TFEC: variants seen among roughly 807,000 people sequenced by gnomAD.
TFEC encodes class E basic helix-loop-helix protein 34.
TFEC carries 31 observed loss-of-function variants against 41.6 expected under a neutral mutation model. That is an observed-to-expected ratio of 0.74 (90% CI 0.56 to 1.01). The LOEUF (loss-of-function observed/expected upper bound fraction) is 1.01. TFEC is among the 50% of genes least tolerant of loss of function. TFEC has a pLI of 0.00. For missense variants in TFEC, 402 were observed against 404.1 expected, an observed-to-expected ratio of 0.99 and a Z score of 0.04; for synonymous variants, 143 against 140.6, an observed-to-expected ratio of 1.02 and a Z score of -0.12.
intron 3 of TFEC, among the ~76,000 whole-genome samples, chr7:116,068,762 G>A (rs991320668): frequency 1.3e-5 from 2 of 151,442 alleles, no homozygotes; most frequent in African/African-American, 4.8e-5. Flanking sequence ...GAAAGCAACA[G>A]CAGAAAATCT....
At chr7:116,130,733 C>T (rs1043873692) in intron 1 of TFEC, among the ~76,000 whole-genome samples, 1 of 152,182 alleles carries the variant, frequency 6.6e-6, no homozygotes, top group African/African-American at 2.4e-5. Flanking sequence ...CCACCTCAGC[C>T]TCCCATGTAG....
At chr7:116,122,837 A>G (rs1411263723) in intron 1 of TFEC, among the ~76,000 whole-genome samples, 1 of 152,030 alleles carries the variant, frequency 6.6e-6, no homozygotes, top group East Asian at 1.9e-4. Context: ...TGTGGCCAAC[A>G]CTGGTGTTAG....
intron 3 of TFEC, among the ~76,000 whole-genome samples, chr7:116,085,228 T>C (rs769040535): frequency 6.6e-6 from 1 of 151,846 alleles, no homozygotes; most frequent in South Asian, 2.1e-4. Flanking sequence ...GAAAGATAGA[T>C]AGAAACCAGA....
intron 3 of TFEC, among the ~76,000 whole-genome samples, chr7:116,103,881 A>G (rs1319263183): frequency 6.6e-6 from 1 of 152,194 alleles, no homozygotes; most frequent in Non-Finnish European, 1.5e-5. Flanking sequence ...CAGGAAATTT[A>G]AAGAGGTCGC....
At chr7:115,946,089 T>A (rs28502369) in intron 6 of TFEC, among the ~76,000 whole-genome samples, 3,607 of 151,786 alleles carry the variant, frequency 0.024, 143 homozygotes, top group African/African-American at 0.08. Flanking sequence ...TCATAAAACT[T>A]TATAACTTGC....
At chr7:116,116,394 G>C (rs1473455626) in intron 1 of TFEC, among the ~76,000 whole-genome samples, 1 of 151,664 alleles carries the variant, frequency 6.6e-6, no homozygotes, top group African/African-American at 2.4e-5. Flanking sequence ...AAACCTAAGG[G>C]TGGAAATTAC....
chr7:116,103,855 C>T (rs1256216628), intron 3 of TFEC, among the ~76,000 whole-genome samples: 1 of 152,040 alleles, frequency 6.6e-6, no homozygotes, highest in African/African-American at 2.4e-5. Context: ...TGCCATGATG[C>T]ATTTTCAAAT....
At chr7:115,978,788 T>C (rs1341611359) in intron 2 of TFEC, among the ~76,000 whole-genome samples, 2 of 152,194 alleles carry the variant, frequency 1.3e-5, no homozygotes, top group African/African-American at 4.8e-5. Context: ...TAATTCTTTC[T>C]TTGGCATCAA....
chr7:116,104,186 G>A (rs1797666263), intron 3 of TFEC, among the ~76,000 whole-genome samples: 1 of 152,112 alleles, frequency 6.6e-6, no homozygotes, highest in South Asian at 2.1e-4. Context: ...AGAAATGTAG[G>A]TATTGATTAA....
chr7:115,999,380 T>C (rs1254376401), intron 1 of TFEC, among the ~76,000 whole-genome samples: 3 of 151,826 alleles, frequency 2.0e-5, no homozygotes, highest in African/African-American at 7.2e-5. Context: ...AACACCTAAA[T>C]GAGAAAAGTA....
At chr7:116,032,858 C>A (rs1302745956), upstream of TFEC, among the ~76,000 whole-genome samples, 1 of 152,034 alleles carries the variant, frequency 6.6e-6, no homozygotes, top group Non-Finnish European at 1.5e-5. Flanking sequence ...TTTTAAAAAT[C>A]ATGCATGTCG....
intron 1 of TFEC, among the ~76,000 whole-genome samples, chr7:116,140,552 T>G (rs913026927): frequency 3.9e-5 from 6 of 152,178 alleles, no homozygotes; most frequent in Non-Finnish European, 8.8e-5. Flanking sequence ...TCATTAAAAC[T>G]AATAACAAAA....
chr7:116,121,282 AAAG>A (rs1268520320), intron 1 of TFEC: 1 of 152,044 alleles, frequency 6.6e-6, no homozygotes, highest in African/African-American at 2.4e-5. Flanking sequence ...ACATTAAGTA[AAAG>A]AAGCCAGATA....
intron 3 of TFEC, among the ~76,000 whole-genome samples, chr7:116,062,680 A>T (rs1353645764): frequency 6.6e-6 from 1 of 150,766 alleles, no homozygotes; most frequent in African/African-American, 2.4e-5. Flanking sequence ...TGCTATAAAC[A>T]TGCGTGTGCA....
At chr7:116,039,859 C>G (rs902288470) in intron 3 of TFEC, among the ~76,000 whole-genome samples, 2 of 152,010 alleles carry the variant, frequency 1.3e-5, no homozygotes, top group Non-Finnish European at 2.9e-5. Context: ...CATCAATGCA[C>G]ACTTCTTGTT....
chr7:115,959,896 G>C (rs1205665039), intron 3 of TFEC, among the ~76,000 whole-genome samples: 1 of 151,370 alleles, frequency 6.6e-6, no homozygotes, highest in South Asian at 2.1e-4. Context: ...GATAACAGGA[G>C]TTTCGAAAAG....
chr7:116,005,961 C>T (rs565778243), intron 1 of TFEC, among the ~76,000 whole-genome samples: 1 of 152,234 alleles, frequency 6.6e-6, no homozygotes, highest in Non-Finnish European at 1.5e-5. Flanking sequence ...AGGGCGGAAG[C>T]CCCAAGCCTT....
intron 1 of TFEC, among the ~76,000 whole-genome samples, chr7:116,006,077 C>T (rs1160084029): frequency 6.6e-6 from 1 of 152,218 alleles, no homozygotes; most frequent in Non-Finnish European, 1.5e-5. Context: ...CCTGAATGCC[C>T]AGGCAGAAGT....
intron 7 of TFEC, 165 bp downstream of exon 7, chr7:115,941,728 A>G: frequency 1.2e-6 from 1 of 841,664 alleles, no homozygotes; most frequent in East Asian, 2.7e-5. Flanking sequence ...TCAAATCCTA[A>G]TTGAAACAAC....
Sources: gnomAD v4.1 joint callset for allele counts (sites outside exome capture counted in the v4.1 genomes callset) on GRCh38, gnomAD v4.1.1 for gene constraint, MANE v1.5 for transcripts, NCBI Gene and HGNC (gene_info 2026-07-23, HGNC 2026-07-21) for gene names.